Variants in ARHGEF6 observed in about 807,000 individuals in gnomAD.
ARHGEF6 encodes Rac/Cdc42 guanine nucleotide exchange factor 6.
Under a neutral mutation model 70.3 loss-of-function variants are expected in ARHGEF6, and 9 were observed. The ratio of observed to expected loss-of-function variants is 0.13; its 90% confidence interval spans 0.08 to 0.22. ARHGEF6 has a LOEUF of 0.22. Among genes scored for constraint, ARHGEF6 ranks in the 10% least tolerant of loss-of-function variants. The pLI, the probability that ARHGEF6 is intolerant of heterozygous loss-of-function variation, is 1.00. For synonymous variants in ARHGEF6, 201 were observed against 207.8 expected (o/e 0.97, Z 0.28); for missense variants, 470 against 563.0 (o/e 0.83, Z 1.67).
intron 2 of ARHGEF6, chrX:136,767,760 A>C: frequency 1.3e-6 from 1 of 754,906 alleles, no homozygotes; most frequent in Non-Finnish European, 1.6e-6. Flanking sequence ...GCCTGGAGGC[A>C]CTGGGCCAGC....
chrX:136,766,280 G>A (rs2077312948), intron 2 of ARHGEF6, among the ~76,000 whole-genome samples: 1 of 98,403 alleles, frequency 1.0e-5, no homozygotes, highest in Non-Finnish European at 2.0e-5. Context: ...GAGTTTTCCA[G>A]GCAAATATAA....
intron 5 of ARHGEF6, among the ~76,000 whole-genome samples, chrX:136,733,294 G>A (rs1464207278): frequency 3.6e-5 from 4 of 110,644 alleles, no homozygotes; most frequent in Non-Finnish European, 3.8e-5. Flanking sequence ...AAAGTATAGC[G>A]CAGTATAAAT....
chrX:136,699,029 A>T (rs2076538774), intron 9 of ARHGEF6, among the ~76,000 whole-genome samples: 1 of 112,100 alleles, frequency 8.9e-6, no homozygotes, highest in African/African-American at 3.2e-5. Context: ...ATATAATACC[A>T]GATAGTAACA....
intron 19 of ARHGEF6, 62 bp downstream of exon 19, chrX:136,674,945 A>C: frequency 2.8e-6 from 3 of 1,085,776 alleles, no homozygotes; most frequent in Non-Finnish European, 3.8e-6. Flanking sequence ...CTTTTTCTAA[A>C]AGACACTAAA....
At chrX:136,734,546 G>T (rs1262778249) in intron 5 of ARHGEF6, among the ~76,000 whole-genome samples, 1 of 111,530 alleles carries the variant, frequency 9.0e-6, no homozygotes, top group African/African-American at 3.3e-5. Flanking sequence ...AGGCCCATAA[G>T]GTGTCACTGG....
intron 2 of ARHGEF6, among the ~76,000 whole-genome samples, chrX:136,770,255 A>G (rs1292642686): frequency 4.4e-5 from 5 of 112,792 alleles, no homozygotes; most frequent in Non-Finnish European, 9.4e-5. Flanking sequence ...GATTTAATAT[A>G]TGAAAATCAA....
chrX:136,676,514 G>C (rs1274212617), intron 18 of ARHGEF6, 110 bp downstream of exon 18: 1 of 602,758 alleles, frequency 1.7e-6, no homozygotes, highest in Non-Finnish European at 2.7e-6. Context: ...AAAAGACGAT[G>C]TCAAGAAAAA....
intron 9 of ARHGEF6, among the ~76,000 whole-genome samples, chrX:136,703,689 A>T (rs1469915006): frequency 9.0e-6 from 1 of 111,575 alleles, no homozygotes; most frequent in East Asian, 2.8e-4. Flanking sequence ...TGCCCAGCTA[A>T]TTTTGTATTT....
chrX:136,722,311 A>T (rs1156507590), intron 6 of ARHGEF6, among the ~76,000 whole-genome samples: 3 of 112,283 alleles, frequency 2.7e-5, no homozygotes, highest in Non-Finnish European at 5.6e-5. Context: ...CAAAACAAAA[A>T]TAAGTAAATT....
intron 3 of ARHGEF6, among the ~76,000 whole-genome samples, chrX:136,746,786 CTAA>C (rs1386279563): frequency 9.0e-6 from 1 of 110,943 alleles, no homozygotes; most frequent in Non-Finnish European, 1.9e-5. Context: ...TAATATGGAC[CTAA>C]TAATAATAAT....
intron 16 of ARHGEF6, among the ~76,000 whole-genome samples, chrX:136,678,443 C>A (rs186158818): frequency 8.9e-6 from 1 of 111,856 alleles, no homozygotes; most frequent in African/African-American, 3.2e-5. Flanking sequence ...AAGAATTGCA[C>A]GTAAATTTCC....
chrX:136,706,883 A>T, intron 9 of ARHGEF6, 25 bp downstream of exon 9: 1 of 1,211,229 alleles, frequency 8.3e-7, no homozygotes, highest in South Asian at 1.8e-5. Flanking sequence ...TCATTGCAAA[A>T]GTTGGGGAAA....
At chrX:136,750,588 C>T (rs1197735021) in intron 2 of ARHGEF6, among the ~76,000 whole-genome samples, 1 of 111,570 alleles carries the variant, frequency 9.0e-6, no homozygotes, top group Non-Finnish European at 1.9e-5. Context: ...ACTACTGTGA[C>T]TCAGACAAGA....
At chrX:136,761,577 T>C (rs1393241625) in intron 2 of ARHGEF6, among the ~76,000 whole-genome samples, 1 of 112,597 alleles carries the variant, frequency 8.9e-6, no homozygotes, top group Non-Finnish European at 1.9e-5. Context: ...ATGCTAATAA[T>C]GTTGAAGGAT....
chrX:136,697,107 G>A, intron 9 of ARHGEF6, among the ~76,000 whole-genome samples: 1 of 111,388 alleles, frequency 9.0e-6, no homozygotes, highest in Non-Finnish European at 1.9e-5. Context: ...GGGTACCCAT[G>A]CTGCCCAGCT....
chrX:136,764,363 TGGAAACAATGTAGATGTCCATCAA>T (rs2148679412), intron 2 of ARHGEF6, among the ~76,000 whole-genome samples: 1 of 111,203 alleles, frequency 9.0e-6, no homozygotes, highest in South Asian at 3.8e-4. Context: ...AAACAAAAAC[TGGAAACAATGTAGATGTCCATCAA>T]CAAGTGAATA....
At chrX:136,719,490 C>T (rs1489274427) in intron 6 of ARHGEF6, among the ~76,000 whole-genome samples, 4 of 111,440 alleles carry the variant, frequency 3.6e-5, no homozygotes, top group Admixed American at 1.9e-4. Flanking sequence ...TTAAAATGTG[C>T]GGAATGCAGT....
At chrX:136,701,532 CA>C (rs746114910) in intron 9 of ARHGEF6, among the ~76,000 whole-genome samples, 22 of 110,535 alleles carry the variant, frequency 2.0e-4, no homozygotes, top group Non-Finnish European at 3.8e-4. Context: ...CTCAAACAAA[CA>C]AAAAATGTGG....
chrX:136,695,252 T>C (rs1015773570), intron 9 of ARHGEF6, among the ~76,000 whole-genome samples: 2 of 112,230 alleles, frequency 1.8e-5, no homozygotes, highest in South Asian at 7.3e-4. Flanking sequence ...TTTTCATCCC[T>C]TTTACCTGTA....
Sources: allele counts gnomAD v4.1 joint callset (sites outside exome capture counted in the v4.1 genomes callset), GRCh38; gene constraint gnomAD v4.1.1; transcripts MANE v1.5; gene names NCBI Gene and HGNC (gene_info 2026-07-23, HGNC 2026-07-21).